Variants in UTS2B observed in about 807,000 individuals in gnomAD.
UTS2B encodes the protein urotensin 2B.
A neutral mutation model predicts 19.2 loss-of-function variants in UTS2B; 21 were observed. The ratio of observed to expected loss-of-function variants is 1.09; its 90% CI spans 0.78 to 1.58. The LOEUF (loss-of-function observed/expected upper bound fraction) is 1.58. Among genes scored for constraint, UTS2B ranks in the 40% most tolerant of loss-of-function variants. The pLI is 0.00. For synonymous variants in UTS2B, 57 were observed against 50.2 expected, an observed-to-expected ratio of 1.14 and a Z score of -0.58; for missense variants, 138 against 130.3, an observed-to-expected ratio of 1.06 and a Z score of -0.29.
chr3:191,283,616 G>A (rs567721349), intron 4 of UTS2B, among the ~76,000 whole-genome samples: 1 of 152,316 alleles, frequency 6.6e-6, no homozygotes, highest in East Asian at 1.9e-4. Context: ...AAGTACCATA[G>A]TGGTTTGCGG....
At chr3:191,283,753 T>G (rs1024327579) in intron 4 of UTS2B, among the ~76,000 whole-genome samples, 1 of 144,864 alleles carries the variant, frequency 6.9e-6, no homozygotes, top group African/African-American at 2.4e-5. Context: ...GCTGAAAGAA[T>G]AATTGCAACT....
intron 3 of UTS2B, among the ~76,000 whole-genome samples, chr3:191,307,278 A>T (rs1226444555): frequency 1.3e-5 from 2 of 152,296 alleles, no homozygotes; most frequent in South Asian, 2.1e-4. Flanking sequence ...TCCATGACCC[A>T]GACTCAATCC....
intron 2 of UTS2B, among the ~76,000 whole-genome samples, chr3:191,318,525 G>A (rs1717527745): frequency 6.6e-6 from 1 of 152,168 alleles, no homozygotes; most frequent in Non-Finnish European, 1.5e-5. Context: ...CTGGAGTACA[G>A]TGGCACAATC....
At chr3:191,293,964 C>G (rs766836534) in intron 4 of UTS2B, among the ~76,000 whole-genome samples, 1 of 151,620 alleles carries the variant, frequency 6.6e-6, no homozygotes, top group African/African-American at 2.4e-5. Flanking sequence ...CAAAATTAGC[C>G]GGGCGTGGTG....
chr3:191,300,048 C>A (rs1265697723), intron 4 of UTS2B, among the ~76,000 whole-genome samples: 2 of 150,430 alleles, frequency 1.3e-5, no homozygotes, highest in Non-Finnish European at 1.5e-5. Flanking sequence ...TATATATACA[C>A]ATATATACAT....
intron 4 of UTS2B, among the ~76,000 whole-genome samples, chr3:191,293,732 G>T (rs1041171741): frequency 6.6e-6 from 1 of 151,882 alleles, no homozygotes; most frequent in Non-Finnish European, 1.5e-5. Flanking sequence ...ACATAAACAT[G>T]CTATAATGTG....
chr3:191,330,216 C>T (rs1019027936), intron 1 of UTS2B, among the ~76,000 whole-genome samples, 198 bp downstream of exon 1: 1 of 152,102 alleles, frequency 6.6e-6, no homozygotes, highest in Non-Finnish European at 1.5e-5. Flanking sequence ...ACTTTCCCAC[C>T]TTCCTCAAGG....
intron 3 of UTS2B, among the ~76,000 whole-genome samples, chr3:191,311,374 A>C (rs1305402157): frequency 6.6e-6 from 1 of 152,342 alleles, no homozygotes; most frequent in East Asian, 1.9e-4. Context: ...TTACATATGA[A>C]AACTGAAAGG....
intron 2 of UTS2B, among the ~76,000 whole-genome samples, chr3:191,321,973 G>A (rs1717622540): frequency 6.6e-6 from 1 of 152,158 alleles, no homozygotes; most frequent in African/African-American, 2.4e-5. Context: ...GTTGCAGTGA[G>A]CTAAGATTGC....
chr3:191,311,444 C>T (rs527955209), intron 3 of UTS2B, among the ~76,000 whole-genome samples: 1 of 152,348 alleles, frequency 6.6e-6, no homozygotes, highest in Admixed American at 6.5e-5. Flanking sequence ...TCTCTCTCCA[C>T]CTGTCTGTCA....
rs563999965 is a variant in UTS2B at position 191,329,169 on chromosome 3, C to T, written c.-664-460G>A. On this transcript the variant is annotated intron_variant, in intron 1 of 8. Coordinates refer to ENST00000340524, the MANE Select transcript of UTS2B (RefSeq NM_198152.5). ...GGCCCCCACCTAAAGACGCGACCCT[C>T]CCGTAGGAGGGGGGCAGGGCCCGGG... is the stretch of plus-strand genomic sequence containing the variant. 2.2e-3 allele frequency: 345 copies of T among 157,344 alleles called. 2 individuals carry two copies. Among genetic ancestry groups the T allele is most frequent in the Non-Finnish European group, 3.2e-3 (233 of 71,998 alleles). The allele number at this position is 157,344 out of a possible 1,614,324, so 9.7% of individuals were successfully genotyped here.
At chr3:191,316,831 T>C (rs1356863146) in intron 2 of UTS2B, among the ~76,000 whole-genome samples, 2 of 152,198 alleles carry the variant, frequency 1.3e-5, no homozygotes, top group African/African-American at 2.4e-5. Flanking sequence ...AGGGTGCTGA[T>C]TGGTGCATCC....
chr3:191,279,022 GT>G (rs1716312402), intron 5 of UTS2B, among the ~76,000 whole-genome samples: 1 of 152,050 alleles, frequency 6.6e-6, no homozygotes, highest in South Asian at 2.1e-4. Context: ...TTAGGAGTGA[GT>G]ACTGTGGTTT....
At chr3:191,296,413 C>A (rs1238549247) in intron 4 of UTS2B, among the ~76,000 whole-genome samples, 1 of 152,198 alleles carries the variant, frequency 6.6e-6, no homozygotes, top group East Asian at 1.9e-4. Flanking sequence ...ATTTCCTCAA[C>A]AGCTCATATC....
chr3:191,299,805 G>T (rs1716946943), intron 4 of UTS2B, among the ~76,000 whole-genome samples: 1 of 152,228 alleles, frequency 6.6e-6, no homozygotes, highest in South Asian at 2.1e-4. Context: ...AGAGCCACAA[G>T]AAATCAACAC....
the UTS2B span, among the ~76,000 whole-genome samples, chr3:191,341,461 C>G: frequency 4.6e-5 from 7 of 152,144 alleles, no homozygotes; most frequent in African/African-American, 1.7e-4. Context: ...GATCTGTACT[C>G]AAGATACTCA....
intron 4 of UTS2B, among the ~76,000 whole-genome samples, chr3:191,286,709 G>A (rs531455837): frequency 6.6e-6 from 1 of 151,724 alleles, no homozygotes; most frequent in Admixed American, 6.6e-5. Flanking sequence ...TCAAGAAACT[G>A]GGAAAACAAA....
At chr3:191,301,190 T>C (rs1371217940) in intron 4 of UTS2B, among the ~76,000 whole-genome samples, 1 of 152,232 alleles carries the variant, frequency 6.6e-6, no homozygotes, top group Non-Finnish European at 1.5e-5. Flanking sequence ...AGAATTTGCA[T>C]AAGCTTTAGT....
chr3:191,310,757 T>C (rs1717279043), intron 3 of UTS2B, among the ~76,000 whole-genome samples: 1 of 152,234 alleles, frequency 6.6e-6, no homozygotes, highest in African/African-American at 2.4e-5. Context: ...GTTAAAGTTA[T>C]AGTAGCTTAC....
Sources: allele counts gnomAD v4.1 joint callset (sites outside exome capture counted in the v4.1 genomes callset), GRCh38; gene constraint gnomAD v4.1.1; transcripts MANE v1.5; gene names NCBI Gene and HGNC (gene_info 2026-07-23, HGNC 2026-07-21).